CNGB3: variants seen among roughly 807,000 people sequenced by gnomAD.
CNGB3 encodes the protein cyclic nucleotide-gated channel beta-3.
CNGB3 carries 86 observed loss-of-function variants against 92.8 expected under a neutral mutation model. The observed-to-expected ratio is 0.93, with a 90% confidence interval of 0.78 to 1.11. CNGB3 has a LOEUF of 1.11. Ranked by LOEUF, CNGB3 falls within the 50% of genes least tolerant of loss-of-function variation. The probability of loss-of-function intolerance (pLI) is 0.00; values close to 1 mark genes in which losing one functional copy is unlikely to be tolerated. For synonymous variants in CNGB3, 333 were observed against 332.7 expected, an observed-to-expected ratio of 1.00 and a Z score of -0.01; for missense variants, 1,026 against 956.8, an observed-to-expected ratio of 1.07 and a Z score of -0.95.
rs113854092 is a variant in CNGB3 at position 86,645,581 on chromosome 8, A to T, written c.991-895T>A. On this transcript the variant is annotated intron_variant, in intron 8 of 17. Transcript: ENST00000320005. ...CTTACAGATAGAAGGGACTGCAGAG[A>T]TTACTTAGTTCAAAATTTTGCCCAA... 3.6e-4 allele frequency among the ~76,000 whole-genome samples: 55 copies of T among 151,448 alleles called. 1 individual carries two copies. Among genetic ancestry groups the T allele is most frequent in the African/African-American group, 1.2e-3 (51 of 41,492 alleles).
intron 15 of CNGB3, among the ~76,000 whole-genome samples, chr8:86,595,567 G>T (rs1822153348): frequency 6.6e-6 from 1 of 152,160 alleles, no homozygotes; most frequent in Non-Finnish European, 1.5e-5. Flanking sequence ...TCTTAACACA[G>T]GTAGTGCTTA....
rs1821626133 is a variant in CNGB3 at position 86,574,692 on chromosome 8, T to C, written c.*1112A>G. On this transcript the variant is annotated 3_prime_UTR_variant, in exon 18 of 18. Coordinates refer to ENST00000320005, the MANE Select transcript of CNGB3 (RefSeq NM_019098.5). ...TGATGTTATACACTAATGGCATTTA[T>C]TAGAATGGAATTCTATATGTATTAT... is the stretch of plus-strand genomic sequence containing the variant. 6.6e-6 allele frequency: 1 copy of C among 152,226 alleles called. No homozygotes were observed. Among genetic ancestry groups the C allele is most frequent in the Admixed American group, 6.5e-5 (1 of 15,284 alleles). The allele number at this position is 152,226 out of a possible 1,614,324, so 9.4% of individuals were successfully genotyped here.
intron 13 of CNGB3, among the ~76,000 whole-genome samples, chr8:86,614,294 C>T (rs973953571): frequency 1.3e-5 from 2 of 152,070 alleles, no homozygotes; most frequent in Non-Finnish European, 2.9e-5. Flanking sequence ...CCAGAGCCCA[C>T]GTAGACGAGC....
chr8:86,654,431 T>C (rs1291454863), intron 6 of CNGB3, among the ~76,000 whole-genome samples: 1 of 152,136 alleles, frequency 6.6e-6, no homozygotes, highest in Non-Finnish European at 1.5e-5. Flanking sequence ...GCCCAGGATA[T>C]CCTTTATGGC....
intron 3 of CNGB3, among the ~76,000 whole-genome samples, chr8:86,709,461 GC>G (rs1243241610): frequency 6.6e-6 from 1 of 152,168 alleles, no homozygotes; most frequent in Non-Finnish European, 1.5e-5. Flanking sequence ...CACATAAAGA[GC>G]ATTGGTGAAC....
At chr8:86,721,826 T>G (rs60237266) in intron 3 of CNGB3, among the ~76,000 whole-genome samples, 8,878 of 152,234 alleles carry the variant, frequency 0.058, 335 homozygotes, top group East Asian at 0.13. Context: ...TGAAGTCACA[T>G]ATGGATTTTT....
chr8:86,654,873 A>G (rs1445043382), intron 6 of CNGB3, among the ~76,000 whole-genome samples: 1 of 152,090 alleles, frequency 6.6e-6, no homozygotes, highest in African/African-American at 2.4e-5. Flanking sequence ...AATCTCACCC[A>G]CATTTATAGT....
intron 3 of CNGB3, chr8:86,703,930 A>G (rs1427349310): frequency 6.6e-6 from 1 of 152,228 alleles, no homozygotes; most frequent in African/African-American, 2.4e-5. Context: ...TATCATAAAA[A>G]CTAATATTTC....
intron 10 of CNGB3, among the ~76,000 whole-genome samples, chr8:86,642,650 T>C (rs1434790563): frequency 6.6e-6 from 1 of 151,680 alleles, no homozygotes; most frequent in African/African-American, 2.4e-5. Context: ...TGCCTTATTA[T>C]ATGTTCAATG....
At chr8:86,696,075 G>A (rs1279743965) in intron 3 of CNGB3, among the ~76,000 whole-genome samples, 1 of 152,144 alleles carries the variant, frequency 6.6e-6, no homozygotes, top group Non-Finnish European at 1.5e-5. Context: ...GGACTCTATG[G>A]GAGTCCTTGG....
At chr8:86,733,693 A>G (rs1256861607) in intron 2 of CNGB3, among the ~76,000 whole-genome samples, 1 of 152,156 alleles carries the variant, frequency 6.6e-6, no homozygotes, top group African/African-American at 2.4e-5. Context: ...GTACACGGTA[A>G]AGTCTTTACT....
intron 3 of CNGB3, among the ~76,000 whole-genome samples, chr8:86,719,767 C>T (rs927653233): frequency 5.3e-5 from 8 of 152,078 alleles, no homozygotes; most frequent in Non-Finnish European, 8.8e-5. Context: ...TCATAGTCAC[C>T]GAAACAGCAT....
chr8:86,599,626 C>A, intron 15 of CNGB3, among the ~76,000 whole-genome samples: 1 of 152,178 alleles, frequency 6.6e-6, no homozygotes, highest in South Asian at 2.1e-4. Context: ...ACCTTGGGGG[C>A]GGCTGTCTTT....
intron 2 of CNGB3, among the ~76,000 whole-genome samples, chr8:86,727,625 T>G (rs909412911): frequency 2.0e-5 from 3 of 152,056 alleles, no homozygotes; most frequent in African/African-American, 7.2e-5. Flanking sequence ...AATATTTGGA[T>G]TATAGAGAAG....
rs113196068 is a variant in CNGB3 at position 86,634,780 on chromosome 8, G to T, written c.1179-1887C>A. Among the ~76,000 whole-genome samples the T allele has an allele frequency of 7.5e-4, 113 of 151,490 alleles. 1 individual carries two copies. In the South Asian group the frequency reaches 0.012, roughly 15 times the overall value. On this transcript the variant is annotated intron_variant, in intron 10 of 17. Coordinates refer to ENST00000320005, the MANE Select transcript of CNGB3 (RefSeq NM_019098.5). ...AGCACTTTGGGTAACTGGGCACTAAGCTTTGAACAAGGGTGGTCTTTTCTT... is the reference window on the plus strand; with the variant it reads ...AGCACTTTGGGTAACTGGGCACTAATCTTTGAACAAGGGTGGTCTTTTCTT...
At chr8:86,682,097 G>A (rs1824092177) in intron 3 of CNGB3, among the ~76,000 whole-genome samples, 1 of 152,166 alleles carries the variant, frequency 6.6e-6, no homozygotes, top group Admixed American at 6.5e-5. Context: ...GTTTTATTGA[G>A]ATATTTAGTA....
intron 3 of CNGB3, among the ~76,000 whole-genome samples, chr8:86,695,434 A>G (rs1824431662): frequency 1.3e-5 from 2 of 152,276 alleles, no homozygotes; most frequent in South Asian, 4.1e-4. Flanking sequence ...TCATTCTTCT[A>G]CTTGTTCAAT....
intron 3 of CNGB3, among the ~76,000 whole-genome samples, chr8:86,673,493 A>T (rs770862668): frequency 6.6e-6 from 1 of 152,090 alleles, no homozygotes; most frequent in Non-Finnish European, 1.5e-5. Context: ...AGGTGAGTGA[A>T]GTCAGGTTAT....
chr8:86,621,802 C>T lies in CNGB3; in HGVS notation c.1578+4181G>A, dbSNP rs149556342. Among the ~76,000 whole-genome samples, 377 of 152,302 alleles carry T rather than the reference C, an allele frequency of 2.5e-3. 1 individual carries two copies. The highest frequency in any genetic ancestry group is 3.5e-3 in the Non-Finnish European group (239 of 68,032). On this transcript the variant is annotated intron_variant, in intron 13 of 17. Coordinates refer to ENST00000320005, the MANE Select transcript of CNGB3 (RefSeq NM_019098.5). Reference sequence around the variant, plus strand: ...GTCTCCAGCCAGGCGTGGTGGCTCACGCCTGTAATCCCAGCACTTTGGGAG... The same window carrying T: ...GTCTCCAGCCAGGCGTGGTGGCTCATGCCTGTAATCCCAGCACTTTGGGAG...
Sources: allele counts gnomAD v4.1 joint callset (sites outside exome capture counted in the v4.1 genomes callset), GRCh38; gene constraint gnomAD v4.1.1; transcripts MANE v1.5; gene names NCBI Gene and HGNC (gene_info 2026-07-23, HGNC 2026-07-21).